Variants in SPPL2A observed in about 807,000 individuals in gnomAD.
SPPL2A encodes signal peptide peptidase like 2A.
SPPL2A carries 51 observed loss-of-function variants against 63.8 expected under a neutral mutation model. That is an observed-to-expected ratio of 0.80 (90% CI 0.64 to 1.01). SPPL2A has a LOEUF of 1.01. Ranked by LOEUF, SPPL2A falls within the 50% of genes least tolerant of loss-of-function variation. The pLI is 0.00. For synonymous variants in SPPL2A, 188 were observed against 205.8 expected, an observed-to-expected ratio of 0.91 and a Z score of 0.74; for missense variants, 553 against 622.7, an observed-to-expected ratio of 0.89 and a Z score of 1.19.
Position 50,707,252 on chromosome 15 carries a change from G to A in SPPL2A, c.*548C>T. ...TCCTGTCTCAGCCTTCCCAGTAGCTGGGACTACAGGCACCCTCCACCACGC... is the reference window on the plus strand; with the variant it reads ...TCCTGTCTCAGCCTTCCCAGTAGCTAGGACTACAGGCACCCTCCACCACGC... On this transcript the variant is annotated 3_prime_UTR_variant, in exon 15 of 15. Transcript: ENST00000261854. 1 of 152,340 alleles carries A rather than the reference G, an allele frequency of 6.6e-6. No individual in the cohort carries two copies. Among genetic ancestry groups the A allele is most frequent in the Non-Finnish European group, 1.5e-5 (1 of 68,146 alleles). The allele number at this position is 152,340 out of a possible 1,614,324, so 9.4% of individuals were successfully genotyped here. A position where few individuals can be genotyped will look rare whatever the true frequency, so the allele number is the denominator to read the frequency against.
At chr15:50,764,951 C>G (rs915942482) in intron 1 of SPPL2A, among the ~76,000 whole-genome samples, 2 of 151,844 alleles carry the variant, frequency 1.3e-5, no homozygotes, top group African/African-American at 4.8e-5. Flanking sequence ...CAAATGAGCC[C>G]TAAGGCGAAG....
In SPPL2A at chr15:50,704,336, C is replaced by T. The variant is rs1190880130; in HGVS notation, c.*3464G>A. ...CAGCCTGGGCAAAAAGAGCGAAACT[C>T]TGTCTCAAAAAAAAAAAAAAAAAAA... On this transcript the variant is annotated 3_prime_UTR_variant, in exon 15 of 15. Transcript: ENST00000261854. 1 of 112,102 alleles carries T rather than the reference C, an allele frequency of 8.9e-6. No individual in the cohort carries two copies. Among genetic ancestry groups the T allele is most frequent in the African/African-American group, 3.4e-5 (1 of 29,036 alleles). 6.9% of individuals were successfully genotyped at this position (112,102 alleles called of 1,614,324 possible).
At chr15:50,734,528 G>A (rs1268784123) in intron 8 of SPPL2A, among the ~76,000 whole-genome samples, 1 of 152,164 alleles carries the variant, frequency 6.6e-6, no homozygotes, top group Admixed American at 6.6e-5. Context: ...CTAAAAAAAG[G>A]TAGAGAGTGG....
intron 1 of SPPL2A, among the ~76,000 whole-genome samples, chr15:50,758,513 A>T (rs1296841568): frequency 6.6e-6 from 1 of 151,142 alleles, no homozygotes; most frequent in Non-Finnish European, 1.5e-5. Flanking sequence ...TATTTTTAGT[A>T]GAGATGGGGT....
chr15:50,725,694 G>A (rs189867898), intron 11 of SPPL2A, among the ~76,000 whole-genome samples: 535 of 151,996 alleles, frequency 3.5e-3, no homozygotes, highest in Non-Finnish European at 5.9e-3. Flanking sequence ...GCCTCCCAAA[G>A]TGCTGGTATT....
chr15:50,727,269 C>T (rs967835132), intron 10 of SPPL2A, among the ~76,000 whole-genome samples: 1 of 152,076 alleles, frequency 6.6e-6, no homozygotes, highest in Non-Finnish European at 1.5e-5. Flanking sequence ...GTGGGGTGCA[C>T]AGGAGAAACC....
chr15:50,704,963 C>T lies in SPPL2A; in HGVS notation c.*2837G>A, dbSNP rs1596371079. 4 of 152,158 alleles carry T rather than the reference C, an allele frequency of 2.6e-5. No individual in the cohort carries two copies. Among genetic ancestry groups the T allele is most frequent in the Admixed American group, 2.6e-4 (4 of 15,268 alleles). 9.4% of individuals were successfully genotyped at this position (152,158 alleles called of 1,614,324 possible). ...TTCAGATTTCTGGATGTACCAGTTACTATGCTACTGAGGAGATACATCTAG... is the reference window on the plus strand; with the variant it reads ...TTCAGATTTCTGGATGTACCAGTTATTATGCTACTGAGGAGATACATCTAG... On this transcript the variant is annotated 3_prime_UTR_variant, in exon 15 of 15. Coordinates refer to ENST00000261854, the MANE Select transcript of SPPL2A (RefSeq NM_032802.4).
chr15:50,736,914 G>GC (rs1555443101), intron 6 of SPPL2A, among the ~76,000 whole-genome samples, 174 bp from the exon 7 acceptor site: 1 of 149,698 alleles, frequency 6.7e-6, no homozygotes, highest in African/African-American at 2.4e-5. Flanking sequence ...GAGGTTTTTT[G>GC]TTTTTTTTTC....
At chr15:50,761,190 T>A (rs1348676409) in intron 1 of SPPL2A, among the ~76,000 whole-genome samples, 1 of 151,958 alleles carries the variant, frequency 6.6e-6, no homozygotes, top group Non-Finnish European at 1.5e-5. Context: ...TTTAATTTTT[T>A]GTAGAGGTGG....
intron 12 of SPPL2A, among the ~76,000 whole-genome samples, chr15:50,724,734 A>G (rs913119420): frequency 6.6e-6 from 1 of 152,244 alleles, no homozygotes; most frequent in Admixed American, 6.5e-5. Flanking sequence ...CAGAGCAGAC[A>G]TGCTAAGAGA....
At position 50,703,329 on chromosome 15, in the gene SPPL2A, TATATATATATATATATAC is replaced by T. The variant is rs2062488186; in HGVS notation, c.*4453_*4470del. On this transcript the variant is annotated 3_prime_UTR_variant, in exon 15 of 15. Coordinates refer to ENST00000261854, the MANE Select transcript of SPPL2A (RefSeq NM_032802.4). ...AAATAAATTAGTTCATATATACATA[TATATATATATATATATAC>T]ATATATATATTTTTTTTTTTTTTTT... 3 of 86,402 alleles carry T rather than the reference TATATATATATATATATAC, an allele frequency of 3.5e-5. No individual in the cohort carries two copies. Among genetic ancestry groups the T allele is most frequent in the African/African-American group, 7.9e-5 (2 of 25,274 alleles). The allele number at this position is 86,402 out of a possible 1,614,324, so 5.4% of individuals were successfully genotyped here.
rs901343537 is a variant in SPPL2A, at chr15:50,735,050, G to A, written c.932+1051C>T. Among the ~76,000 whole-genome samples, 6 of 151,748 alleles carry A rather than the reference G, an allele frequency of 4.0e-5. No individual in the cohort carries two copies. In the East Asian group the frequency reaches 1.2e-3, roughly 29 times the overall value. ...CTCCTGAGTAGCTGGGATTACAGGC[G>A]CATGCCACCATGCCCGGCTAATTCT... is the stretch of plus-strand genomic sequence containing the variant. On this transcript the variant is annotated intron_variant, in intron 8 of 14. Coordinates refer to ENST00000261854, the MANE Select transcript of SPPL2A (RefSeq NM_032802.4).
rs1350713757 is a variant in SPPL2A, at chr15:50,746,447, A to G, written c.584+1048T>C. Among the ~76,000 whole-genome samples, 404 of 149,482 alleles carry G rather than the reference A, an allele frequency of 2.7e-3. 2 individuals carry two copies. Among genetic ancestry groups the G allele is most frequent in the African/African-American group, 9.4e-3 (386 of 41,016 alleles). ...GCGAGACTCTGTATCAAAAAAAAAA[A>G]AAAAAAAAAAAAAAGGAAAATGTAA... On this transcript the variant is annotated intron_variant, in intron 5 of 14. Transcript: ENST00000261854.
Position 50,749,653 on chromosome 15 carries a change from T to A in SPPL2A, c.160A>T (p.Ser54Cys). The change falls in exon 2 of 15, where the codon AGT (serine) becomes TGT (cysteine). Residue 54 changes from serine to cysteine, a missense_variant. Physicochemically the swap from Ser to Cys is moderately radical, Grantham distance 112. Transcript: ENST00000261854. ...LYNPYWTALP[S>C]TLENATSISL... ...TTACTTACTGCATTTTCTAGGGTACTTGGAAGAGCTGTCCAATAAGGGTTA... is the reference window on the plus strand; with the variant it reads ...TTACTTACTGCATTTTCTAGGGTACATGGAAGAGCTGTCCAATAAGGGTTA... 1 of 1,598,600 alleles carries A rather than the reference T, an allele frequency of 6.3e-7. No homozygotes were observed. Among genetic ancestry groups the A allele is most frequent in the Non-Finnish European group, 8.6e-7 (1 of 1,165,988 alleles).
At chr15:50,710,822 A>G (rs940653038) in intron 14 of SPPL2A, among the ~76,000 whole-genome samples, 10 of 152,350 alleles carry the variant, frequency 6.6e-5, no homozygotes, top group Non-Finnish European at 1.5e-4. Flanking sequence ...GACATTTAAC[A>G]GACACAACTC....
rs1196710672 is a variant in SPPL2A at position 50,703,356 on chromosome 15, A to ATATATTTTTT, written c.*4443_*4444insAAAAAATATA. Reference sequence around the variant, plus strand: ...TATATATATATATATACATATATATATTTTTTTTTTTTTTTTTTTTTTTTG... The same window carrying ATATATTTTTT: ...TATATATATATATATACATATATATATATATTTTTTTTTTTTTTTTTTTTTTTTTTTTTTG... On this transcript the variant is annotated 3_prime_UTR_variant, in exon 15 of 15. Transcript: ENST00000261854. 3 of 62,040 alleles carry ATATATTTTTT rather than the reference A, an allele frequency of 4.8e-5. No individual in the cohort carries two copies. The highest frequency in any genetic ancestry group is 1.4e-4 in the African/African-American group (2 of 14,240). 3.8% of individuals were successfully genotyped at this position (62,040 alleles called of 1,614,324 possible). A position where few individuals can be genotyped will look rare whatever the true frequency, so the allele number is the denominator to read the frequency against.
At chr15:50,716,533 C>G (rs2062600583) in intron 14 of SPPL2A, among the ~76,000 whole-genome samples, 1 of 152,088 alleles carries the variant, frequency 6.6e-6, no homozygotes. Context: ...ACTTTAAAAG[C>G]TGTATGAAAG....
At chr15:50,737,835 G>T (rs1288365698) in intron 6 of SPPL2A, among the ~76,000 whole-genome samples, 1 of 151,996 alleles carries the variant, frequency 6.6e-6, no homozygotes, top group Non-Finnish European at 1.5e-5. Context: ...ACTATAGGAG[G>T]CCGAGGCAGG....
At position 50,732,660 on chromosome 15, in the gene SPPL2A, G is replaced by C. The variant is rs2062740044; in HGVS notation, c.957C>G (p.Ile319Met). 6.2e-7 allele frequency: 1 copy of C among 1,610,884 alleles called. No individual in the cohort carries two copies. The highest frequency in any genetic ancestry group is 8.5e-7 in the Non-Finnish European group (1 of 1,177,684). The part of the protein sequence containing the change: ...EDRWAWILQD[I>M]LGIAFCLNLI... ...AATTCAGACAGAAAGCAATCCCCAA[G>C]ATATCCTGTAAAATCCAAGCCCACC... The change falls in exon 9 of 15, where the codon ATC becomes ATG. Residue 319 changes from isoleucine to methionine, a missense_variant. By Grantham distance (10) the Ile-to-Met change is conservative (BLOSUM62 1). Transcript: ENST00000261854.
Sources: allele counts gnomAD v4.1 joint callset (sites outside exome capture counted in the v4.1 genomes callset), GRCh38; gene constraint gnomAD v4.1.1; transcripts MANE v1.5; gene names NCBI Gene and HGNC (gene_info 2026-07-23, HGNC 2026-07-21).